The following PSMD14 variants were observed in gnomAD, a reference collection of about 807,000 sequenced individuals.
The protein encoded by PSMD14 is ubiquitin C-terminal hydrolase PSMD14.
A neutral mutation model predicts 41.2 loss-of-function variants in PSMD14; 7 were observed. The ratio of observed to expected loss-of-function variants is 0.17; its 90% CI spans 0.10 to 0.32. The LOEUF is 0.32. PSMD14 is among the 10% of genes least tolerant of loss of function. The pLI, the probability that PSMD14 is intolerant of heterozygous loss-of-function variation, is 1.00. For synonymous variants in PSMD14, 114 were observed against 122.3 expected, an observed-to-expected ratio of 0.93 and a Z score of 0.45; for missense variants, 139 against 375.6, an observed-to-expected ratio of 0.37 and a Z score of 5.21.
At chr2:161,392,945 G>C (rs987500485) in intron 9 of PSMD14, among the ~76,000 whole-genome samples, 4 of 151,554 alleles carry the variant, frequency 2.6e-5, no homozygotes, top group African/African-American at 7.3e-5. Flanking sequence ...CTTTTTTTTT[G>C]GGGAGTATCT....
chr2:161,402,567 G>GGAGGTCAAGGCTGCAATGACCC lies in PSMD14; in HGVS notation c.772-6251_772-6250insCCCGAGGTCAAGGCTGCAATGA, dbSNP rs1683894802. 1.3e-5 allele frequency among the ~76,000 whole-genome samples: 2 copies of GGAGGTCAAGGCTGCAATGACCC among 152,090 alleles called. 1 individual carries two copies. Among genetic ancestry groups the GGAGGTCAAGGCTGCAATGACCC allele is most frequent in the South Asian group, 4.1e-4 (2 of 4,822 alleles). On this transcript the variant is annotated intron_variant, in intron 10 of 11. Coordinates refer to ENST00000409682, the MANE Select transcript of PSMD14 (RefSeq NM_005805.6). ...GAGGTGGGAGGATCACCGAGGCCCA[G>GGAGGTCAAGGCTGCAATGACCC]GAGGTCAAGGCTGCAATGAACCGTG...
chr2:161,385,638 T>C (rs141518812), intron 8 of PSMD14, 67 bp downstream of exon 8: 9 of 882,628 alleles, frequency 1.0e-5, no homozygotes, highest in Middle Eastern at 2.3e-4. Context: ...TAAGTAGTCT[T>C]TTTAAGTTCT....
chr2:161,364,220 C>T (rs996133114), intron 3 of PSMD14, among the ~76,000 whole-genome samples: 6 of 152,148 alleles, frequency 3.9e-5, no homozygotes, highest in African/African-American at 9.7e-5. Context: ...TTTCTCTCCA[C>T]GTCCAGCCGT....
intron 3 of PSMD14, among the ~76,000 whole-genome samples, chr2:161,353,548 T>G (rs1683149919): frequency 6.6e-6 from 1 of 152,244 alleles, no homozygotes; most frequent in Non-Finnish European, 1.5e-5. Context: ...CTTCCCAGAA[T>G]GCCTTTTCCC....
chr2:161,403,508 G>A (rs1327458009), intron 10 of PSMD14, among the ~76,000 whole-genome samples: 1 of 152,066 alleles, frequency 6.6e-6, no homozygotes. Context: ...ACTTTAAAAT[G>A]GTTAATTTTA....
chr2:161,333,672 C>A (rs1682826793), intron 3 of PSMD14, among the ~76,000 whole-genome samples: 1 of 152,208 alleles, frequency 6.6e-6, no homozygotes, highest in African/African-American at 2.4e-5. Context: ...TAGCATCATT[C>A]CCAGACCCTT....
intron 7 of PSMD14, among the ~76,000 whole-genome samples, chr2:161,371,723 C>T (rs1258169025): frequency 6.6e-6 from 1 of 152,078 alleles, no homozygotes; most frequent in Admixed American, 6.6e-5. Flanking sequence ...CATTGTTTTG[C>T]AGACATTATG....
chr2:161,354,253 TG>T (rs1237036073), intron 3 of PSMD14, among the ~76,000 whole-genome samples: 2 of 152,002 alleles, frequency 1.3e-5, no homozygotes, highest in Admixed American at 1.3e-4. Flanking sequence ...TGTCAGATGG[TG>T]GGGGGTTGGT....
chr2:161,334,521 A>G (rs1233875945), intron 3 of PSMD14, among the ~76,000 whole-genome samples: 1 of 152,234 alleles, frequency 6.6e-6, no homozygotes, highest in East Asian at 1.9e-4. Flanking sequence ...GAAATTAAGT[A>G]AATTATTCAG....
chr2:161,389,912 T>TTTA (rs1299369817), intron 8 of PSMD14, among the ~76,000 whole-genome samples: 4 of 130,246 alleles, frequency 3.1e-5, no homozygotes, highest in African/African-American at 9.8e-5. Context: ...TTTTTTTTTT[T>TTTA]AGAGATGGGG....
intron 3 of PSMD14, among the ~76,000 whole-genome samples, chr2:161,354,075 G>T (rs2105248770): frequency 6.6e-6 from 1 of 152,288 alleles, no homozygotes; most frequent in African/African-American, 2.4e-5. Context: ...GCCAGTTGCA[G>T]TCTTTTGTGG....
At chr2:161,401,886 C>T (rs1312052755) in intron 10 of PSMD14, among the ~76,000 whole-genome samples, 1 of 151,956 alleles carries the variant, frequency 6.6e-6, no homozygotes, top group Admixed American at 6.6e-5. Context: ...GTGTTTAAGC[C>T]CCAGTGTCAT....
chr2:161,317,599 T>C (rs1382624064), intron 2 of PSMD14, among the ~76,000 whole-genome samples: 1 of 152,218 alleles, frequency 6.6e-6, no homozygotes, highest in African/African-American at 2.4e-5. Flanking sequence ...TTCTTTTCTG[T>C]ATGTGCACTT....
At chr2:161,318,062 C>T (rs3769967) in intron 2 of PSMD14, among the ~76,000 whole-genome samples, 127,774 of 152,112 alleles carry the variant, frequency 0.84, 53,820 homozygotes, top group African/African-American at 0.92. Context: ...TTACTCTAAA[C>T]GTTAAAACTA....
chr2:161,367,531 T>C lies in PSMD14; in HGVS notation c.102T>C (p.Ser34=). The C allele has an allele frequency of 6.2e-7, 1 of 1,602,340 alleles. No individual in the cohort carries two copies. Among genetic ancestry groups the C allele is most frequent in the South Asian group, 1.1e-5 (1 of 88,644 alleles). Residue 34 remains serine (S), a synonymous_variant, in exon 4 of 12, where the codon TCT becomes TCC. Coordinates refer to ENST00000409682, the MANE Select transcript of PSMD14 (RefSeq NM_005805.6). ...ACACAGCAGAACAAGTCTATATCTCTTCCCTGGCACTGTTAAAAGTAGGTA... is the reference window on the plus strand; with the variant it reads ...ACACAGCAGAACAAGTCTATATCTCCTCCCTGGCACTGTTAAAAGTAGGTA... The part of the protein sequence containing the change: ...AVDTAEQVYI[S]SLALLKMLKH...
intron 3 of PSMD14, among the ~76,000 whole-genome samples, chr2:161,329,242 T>C (rs893347442): frequency 2.0e-5 from 3 of 152,132 alleles, no homozygotes; most frequent in Admixed American, 6.5e-5. Context: ...CAGATTATTG[T>C]TCTATTTTTA....
At chr2:161,309,696 T>C (rs1176621537) in intron 1 of PSMD14, among the ~76,000 whole-genome samples, 1 of 152,242 alleles carries the variant, frequency 6.6e-6, no homozygotes, top group Non-Finnish European at 1.5e-5. Flanking sequence ...TGAAGTGCTA[T>C]TTAGTGAAAA....
At chr2:161,350,512 G>T (rs1683103219) in intron 3 of PSMD14, among the ~76,000 whole-genome samples, 4 of 152,142 alleles carry the variant, frequency 2.6e-5, no homozygotes, top group Admixed American at 6.5e-5. Context: ...TCCATTTTGG[G>T]CAGGGCCTAA....
rs540521499 is a variant in PSMD14, at chr2:161,337,725, G to A, written c.48+18852G>A. Among the ~76,000 whole-genome samples, 16 of 152,294 alleles carry A rather than the reference G, an allele frequency of 1.1e-4. No individual in the cohort carries two copies. The East Asian group carries it at 3.1e-3, about 29-fold the overall frequency. On this transcript the variant is annotated intron_variant, in intron 3 of 11. Coordinates refer to ENST00000409682, the MANE Select transcript of PSMD14 (RefSeq NM_005805.6). ...CAGTAAGTAGTATATTTTTCAAAGTGTATAAACAGGTACATTTGCAGTAAT... is the reference window on the plus strand; with the variant it reads ...CAGTAAGTAGTATATTTTTCAAAGTATATAAACAGGTACATTTGCAGTAAT...
Sources: allele counts gnomAD v4.1 joint callset (sites outside exome capture counted in the v4.1 genomes callset), GRCh38; gene constraint gnomAD v4.1.1; transcripts MANE v1.5; gene names NCBI Gene and HGNC (gene_info 2026-07-23, HGNC 2026-07-21).